TRMU: variants seen among roughly 807,000 people sequenced by gnomAD.
TRMU encodes the protein tRNA mitochondrial 2-thiouridylase.
A neutral mutation model predicts 46.9 loss-of-function variants in TRMU; 49 were observed. The observed-to-expected ratio is 1.05, with a 90% CI of 0.83 to 1.33. The LOEUF is 1.33. Among genes scored for constraint, TRMU ranks in the 40% most tolerant of loss-of-function variants. The pLI is 0.00. For missense variants in TRMU, 572 were observed against 532.4 expected, an observed-to-expected ratio of 1.07 and a Z score of -0.73; for synonymous variants, 241 against 200.9, an observed-to-expected ratio of 1.20 and a Z score of -1.69.
chr22:46,344,139 TC>T (rs2078192942), intron 3 of TRMU, among the ~76,000 whole-genome samples: 1 of 152,208 alleles, frequency 6.6e-6, no homozygotes, highest in Admixed American at 6.5e-5. Context: ...TCAGTAATTC[TC>T]CTAGGACAAG....
chr22:46,338,863 G>T lies in TRMU; in HGVS notation c.248+919G>T, dbSNP rs2078048853. ...CATGTGCGCGGGACAGGCTGCCCCT[G>T]CCTGAGTGGGCTTTAGGGGCAGAAG... On this transcript the variant is annotated intron_variant, in intron 2 of 10. Transcript: ENST00000645190. This position sits in a 1 kb window ranked among gnomAD's most constrained non-coding sequence, Gnocchi z 4.5. Among the ~76,000 whole-genome samples, 1 of 152,198 alleles carries T rather than the reference G, an allele frequency of 6.6e-6. No individual in the cohort carries two copies. The highest frequency in any genetic ancestry group is 6.5e-5 in the Admixed American group (1 of 15,284).
chr22:46,355,253 T>C, intron 8 of TRMU, 191 bp from the exon 9 acceptor site: 1 of 820,848 alleles, frequency 1.2e-6, no homozygotes, highest in South Asian at 1.7e-5. Context: ...TCTCCTCATC[T>C]GTAAAATGGG....
At position 46,349,509 on chromosome 22, in the gene TRMU, G is replaced by A. The variant is rs1285506778; in HGVS notation, c.479-782G>A. ...CGTCACGGCATGTGGCGTGCTCTGAGTGTAACTCGAAAGGAGAAGTTTATG... is the reference window on the plus strand; with the variant it reads ...CGTCACGGCATGTGGCGTGCTCTGAATGTAACTCGAAAGGAGAAGTTTATG... On this transcript the variant is annotated intron_variant, in intron 4 of 10. Coordinates refer to ENST00000645190, the MANE Select transcript of TRMU (RefSeq NM_018006.5). This position sits in a 1 kb window ranked among gnomAD's most constrained non-coding sequence, Gnocchi z 4.6. Among the ~76,000 whole-genome samples the A allele has an allele frequency of 4.6e-5, 7 of 152,252 alleles. No homozygotes were observed. The highest frequency in any genetic ancestry group is 1.7e-4 in the African/African-American group (7 of 41,470).
At position 46,349,804 on chromosome 22, in the gene TRMU, G is replaced by A. The variant is rs1601967079; in HGVS notation, c.479-487G>A. On this transcript the variant is annotated intron_variant, in intron 4 of 10. Coordinates refer to ENST00000645190, the MANE Select transcript of TRMU (RefSeq NM_018006.5). The surrounding 1 kb of genome is among the most constrained non-coding windows in gnomAD (Gnocchi z 4.6). ...CTTCACAGGTAGGGCGCTGCTGGAG[G>A]CATGTGCTGGCCGCCGGGCAGTGAA... Among the ~76,000 whole-genome samples, 1 of 152,230 alleles carries A rather than the reference G, an allele frequency of 6.6e-6. No homozygotes were observed. The highest frequency in any genetic ancestry group is 1.9e-4 in the East Asian group (1 of 5,198).
chr22:46,344,799 A>C (rs991475240), intron 3 of TRMU, among the ~76,000 whole-genome samples: 1 of 152,236 alleles, frequency 6.6e-6, no homozygotes. Flanking sequence ...TTTTTCTAGT[A>C]TAAGTGCTGT....
rs1016977048 is a variant in TRMU, at chr22:46,351,457, G to A, written c.652-664G>A. ...GTGCGGTGGGAGCTGTTGCTCCTTC[G>A]TGTCTCTTCCTGGTAATGGAAACGG... is the stretch of plus-strand genomic sequence containing the variant. On this transcript the variant is annotated intron_variant, in intron 5 of 10. Transcript: ENST00000645190. The surrounding 1 kb of genome is among the most constrained non-coding windows in gnomAD (Gnocchi z 6.4). 5.3e-5 allele frequency among the ~76,000 whole-genome samples: 8 copies of A among 151,204 alleles called. No individual in the cohort carries two copies. Among genetic ancestry groups the A allele is most frequent in the Non-Finnish European group, 1.0e-4 (7 of 68,000 alleles).
intron 2 of TRMU, among the ~76,000 whole-genome samples, chr22:46,340,926 G>A (rs180677987): frequency 2.2e-4 from 33 of 152,354 alleles, no homozygotes; most frequent in African/African-American, 7.5e-4. Flanking sequence ...CTCTGCCCTC[G>A]CCCAGTACCA....
intron 3 of TRMU, 148 bp downstream of exon 3, chr22:46,343,516 G>T: frequency 3.0e-6 from 2 of 665,904 alleles, no homozygotes; most frequent in Non-Finnish European, 5.2e-6. Flanking sequence ...CTCCTGAGTA[G>T]CTTGGACCAC....
rs2078412866 is a variant in TRMU, at chr22:46,351,221, G to A, written c.651+758G>A. On this transcript the variant is annotated intron_variant, in intron 5 of 10. Transcript: ENST00000645190. This position sits in a 1 kb window ranked among gnomAD's most constrained non-coding sequence, Gnocchi z 6.4. ...GGCCTTGAGGCGAGGAGAAGCCAGG[G>A]AGCCGCTGTGGGGGTGCCTGCCTGT... Among the ~76,000 whole-genome samples the A allele has an allele frequency of 6.6e-6, 1 of 152,238 alleles. No homozygotes were observed. Among genetic ancestry groups the A allele is most frequent in the Admixed American group, 6.5e-5 (1 of 15,286 alleles).
At chr22:46,344,764 C>A (rs559738794) in intron 3 of TRMU, among the ~76,000 whole-genome samples, 1 of 152,206 alleles carries the variant, frequency 6.6e-6, no homozygotes. Flanking sequence ...CTGAACTCAC[C>A]GCGCTTCTCA....
rs2078373025 is a variant in TRMU, at chr22:46,350,208, C to CT, written c.479-82dup. On this transcript the variant is annotated intron_variant, in intron 4 of 10. Coordinates refer to ENST00000645190, the MANE Select transcript of TRMU (RefSeq NM_018006.5). The surrounding 1 kb of genome is among the most constrained non-coding windows in gnomAD (Gnocchi z 4.6). Reference sequence around the variant, plus strand: ...CTCTGACAGGCTAGGGGTAGTCTGTCTAAGTGAACAGAAGGACATTGTTGA... The same window carrying CT: ...CTCTGACAGGCTAGGGGTAGTCTGTCTTAAGTGAACAGAAGGACATTGTTGA... The CT allele has an allele frequency of 2.6e-6, 4 of 1,556,378 alleles. No individual in the cohort carries two copies. The highest frequency in any genetic ancestry group is 3.4e-5 in the Admixed American group (2 of 59,614).
rs2078369959 is a variant in TRMU, at chr22:46,350,101, T to TG, written c.479-190_479-189insG. On this transcript the variant is annotated intron_variant, in intron 4 of 10. Transcript: ENST00000645190. This position sits in a 1 kb window ranked among gnomAD's most constrained non-coding sequence, Gnocchi z 4.6. The stretch of plus-strand genomic sequence containing the variant: ...CTTTGTCATGTAAAATCCTTGTTTT[T>TG]TTTTTTGGAGGTGCGAATTTTTCTT... Among the ~76,000 whole-genome samples, 1 of 152,204 alleles carries TG rather than the reference T, an allele frequency of 6.6e-6. No individual in the cohort carries two copies.
rs192537315 is a variant in TRMU, at chr22:46,350,379, C to G, written c.567C>G (p.Ile189Met). Residue 189 changes from isoleucine (I) to methionine (M), a missense_variant, in exon 5 of 11, where the codon ATC becomes ATG. Transcript: ENST00000645190. The surrounding 1 kb of genome is among the most constrained non-coding windows in gnomAD (Gnocchi z 4.6). ...QVSQDALRRT[I>M]FPLGGLTKEF... ...CCCAGGATGCCCTGAGGAGAACCAT[C>G]TTCCCTCTGGGGGGATTAACGAAAG... 2.4e-4 allele frequency: 382 copies of G among 1,614,232 alleles called. 2 individuals are homozygous for G. The Admixed American group carries it at 6.0e-3, about 25-fold the overall frequency.
At chr22:46,340,295 T>C (rs2078088436) in intron 2 of TRMU, among the ~76,000 whole-genome samples, 1 of 152,158 alleles carries the variant, frequency 6.6e-6, no homozygotes. Context: ...GAGTCAGCAG[T>C]AGTTTCAAGA....
rs764076380 is a variant in TRMU at position 46,335,750 on chromosome 22, T to C, written c.-15T>C. 1.5e-5 allele frequency: 24 copies of C among 1,548,424 alleles called. No individual in the cohort carries two copies. The Admixed American group carries it at 4.2e-4, about 27-fold the overall frequency. ...GCGGCGGTAGCTGCAGCTGGCGAAG[T>C]TGGGCGACTGGCGGATGCAGGCCTT... On this transcript the variant is annotated 5_prime_UTR_variant, in exon 1 of 11. Coordinates refer to ENST00000645190, the MANE Select transcript of TRMU (RefSeq NM_018006.5).
chr22:46,352,099 G>A lies in TRMU; in HGVS notation c.652-22G>A, dbSNP rs376256542. On this transcript the variant is annotated intron_variant, in intron 5 of 10. Coordinates refer to ENST00000645190, the MANE Select transcript of TRMU (RefSeq NM_018006.5). ...CCACCGCCACTTCTGCTCCTCTCACGGCTGCCGTCTTCTCATTTCAGAGCA... is the reference window on the plus strand; with the variant it reads ...CCACCGCCACTTCTGCTCCTCTCACAGCTGCCGTCTTCTCATTTCAGAGCA... The A allele has an allele frequency of 6.8e-5, 109 of 1,612,202 alleles. 1 individual carries two copies. In the African/African-American group the frequency reaches 1.0e-3, roughly 15 times the overall value.
rs2078333510 is a variant in TRMU at position 46,349,023 on chromosome 22, C to T, written c.479-1268C>T. On this transcript the variant is annotated intron_variant, in intron 4 of 10. Transcript: ENST00000645190. The surrounding 1 kb of genome is among the most constrained non-coding windows in gnomAD (Gnocchi z 4.6). ...GTATGGTGGCACATGCCTGTAGTCCCAGGTACTCTGGAGGCTGAGACAGGA... is the reference window on the plus strand; with the variant it reads ...GTATGGTGGCACATGCCTGTAGTCCTAGGTACTCTGGAGGCTGAGACAGGA... 6.6e-6 allele frequency among the ~76,000 whole-genome samples: 1 copy of T among 151,870 alleles called. No homozygotes were observed. Among genetic ancestry groups the T allele is most frequent in the South Asian group, 2.1e-4 (1 of 4,822 alleles).
Position 46,339,134 on chromosome 22 carries a change from T to G in TRMU, c.248+1190T>G, listed in dbSNP as rs992451546. 3.3e-5 allele frequency among the ~76,000 whole-genome samples: 5 copies of G among 151,826 alleles called. No homozygotes were observed. The highest frequency in any genetic ancestry group is 9.7e-5 in the African/African-American group (4 of 41,104). On this transcript the variant is annotated intron_variant, in intron 2 of 10. Transcript: ENST00000645190. The surrounding 1 kb of genome is among the most constrained non-coding windows in gnomAD (Gnocchi z 4.8). ...GCCTGGTATATTAGTAAGCAGTCAA[T>G]AAACATAGCTGTTTTTCTTTTCTAT... is the stretch of plus-strand genomic sequence containing the variant.
At chr22:46,343,839 T>C (rs1051867954) in intron 3 of TRMU, among the ~76,000 whole-genome samples, 24 of 152,182 alleles carry the variant, frequency 1.6e-4, no homozygotes, top group African/African-American at 5.5e-4. Flanking sequence ...TGGTTTGCTC[T>C]GTCCCACTGC....
Sources: allele counts gnomAD v4.1 joint callset (sites outside exome capture counted in the v4.1 genomes callset), GRCh38; gene constraint gnomAD v4.1.1; non-coding constraint Gnocchi (gnomAD v3.1); transcripts MANE v1.5; gene names NCBI Gene and HGNC (gene_info 2026-07-23, HGNC 2026-07-21).